The following ANKRD36B variants were observed in gnomAD, a reference collection of about 807,000 sequenced individuals.
ANKRD36B encodes ankyrin repeat domain 36B, also known as ankyrin repeat domain-containing protein 36B.
In ANKRD36B, 37 loss-of-function variants were observed where a neutral mutation model predicts 135.7. The observed-to-expected ratio is 0.27, with a 90% CI of 0.21 to 0.36. ANKRD36B has a LOEUF of 0.36. ANKRD36B is among the 10% of genes least tolerant of loss of function. The probability of loss-of-function intolerance (pLI) is 1.00; values close to 1 mark genes in which losing one functional copy is unlikely to be tolerated. For synonymous variants in ANKRD36B, 179 were observed against 348.1 expected, an observed-to-expected ratio of 0.51 and a Z score of 5.41; for missense variants, 549 against 1,037.1, an observed-to-expected ratio of 0.53 and a Z score of 6.46.
In ANKRD36B at chr2:97,513,913, C is replaced by T. The variant is rs984439983; in HGVS notation, c.2622-550G>A. Among the ~76,000 whole-genome samples the T allele has an allele frequency of 7.5e-5, 9 of 119,710 alleles. 3 individuals carry two copies. The highest frequency in any genetic ancestry group is 5.1e-4 in the African/African-American group (9 of 17,686). The allele number at this position is 119,710 out of a possible 152,430, so 78.5% of individuals were successfully genotyped here. A position where few individuals can be genotyped will look rare whatever the true frequency, so the allele number is the denominator to read the frequency against. On this transcript the variant is annotated intron_variant, in intron 37 of 43. Transcript: ENST00000359901. Reference sequence around the variant, plus strand: ...AGAAAATGTTTAAATTTACCTACAGCCTGGAAGCCCCAGCTTTGAGTTGGC... The same window carrying T: ...AGAAAATGTTTAAATTTACCTACAGTCTGGAAGCCCCAGCTTTGAGTTGGC...
At position 97,540,956 on chromosome 2, in the gene ANKRD36B, A is replaced by T. The variant is rs1221069545; in HGVS notation, c.1886-727T>A. Among the ~76,000 whole-genome samples, 3 of 96,680 alleles carry T rather than the reference A, an allele frequency of 3.1e-5. 1 individual carries two copies. The highest frequency in any genetic ancestry group is 2.3e-4 in the East Asian group (1 of 4,340). The allele number at this position is 96,680 out of a possible 152,430, so 63.4% of individuals were successfully genotyped here. A position where few individuals can be genotyped will look rare whatever the true frequency, so the allele number is the denominator to read the frequency against. On this transcript the variant is annotated intron_variant, in intron 28 of 43. Coordinates refer to ENST00000359901, the MANE Select transcript of ANKRD36B (RefSeq NM_001393939.1). Reference sequence around the variant, plus strand: ...ATTATCAATTTTGACATACTTCTACAAAGTAAAACTGCTACAAGCGTTAGA... The same window carrying T: ...ATTATCAATTTTGACATACTTCTACTAAGTAAAACTGCTACAAGCGTTAGA...
chr2:97,546,552 G>A (rs1293502384), intron 22 of ANKRD36B, among the ~76,000 whole-genome samples: 1 of 151,544 alleles, frequency 6.6e-6, no homozygotes. Context: ...CCTCAATAAA[G>A]ATATCATCAA....
rs543305077 is a variant in ANKRD36B at position 97,578,620 on chromosome 2, G to A, written c.695+286C>T. On this transcript the variant is annotated intron_variant, in intron 5 of 43. Transcript: ENST00000359901. Reference sequence around the variant, plus strand: ...GTGAAACTACTTTACCCTATGCATAGGGGTTATACTGGAAATAAAATGGAC... The same window carrying A: ...GTGAAACTACTTTACCCTATGCATAAGGGTTATACTGGAAATAAAATGGAC... 1.0e-3 allele frequency among the ~76,000 whole-genome samples: 158 copies of A among 152,128 alleles called. 4 individuals are homozygous for A. The East Asian group carries it at 0.013, about 12-fold the overall frequency.
chr2:97,549,376 C>T, intron 20 of ANKRD36B, 43 bp downstream of exon 20: 1 of 1,527,086 alleles, frequency 6.5e-7, no homozygotes, highest in Non-Finnish European at 8.8e-7. Flanking sequence ...AACTTCTTAT[C>T]TATCTGGACT....
In ANKRD36B at chr2:97,548,058, C is replaced by A. The variant is rs553734877; in HGVS notation, c.1478-327G>T. ...AAAATCAGAGGAGAAACTCATACAC[C>A]TGAGAATCAACGTGAAAGCAGGTGC... On this transcript the variant is annotated intron_variant, in intron 20 of 43. Transcript: ENST00000359901. 3.3e-5 allele frequency among the ~76,000 whole-genome samples: 5 copies of A among 151,780 alleles called. No homozygotes were observed. The East Asian group carries it at 9.7e-4, about 30-fold the overall frequency.
Position 97,555,103 on chromosome 2 carries a change from C to G in ANKRD36B, c.1128G>C (p.Leu376Phe). The change falls in exon 14 of 44, where the codon TTG (leucine) becomes TTC (phenylalanine). Residue 376 changes from leucine (L) to phenylalanine (F), a missense_variant. Transcript: ENST00000359901. The part of the protein sequence containing the change: ...KTASDKTDSA[L>F]NTATEIKDGL... ...CATCCTTTATTTCTGTAGCTGTATT[C>G]AAAGCAGAATCTGTCTTGTCACTTG... The G allele has an allele frequency of 1.2e-6, 2 of 1,611,814 alleles. No individual in the cohort carries two copies. Among genetic ancestry groups the G allele is most frequent in the South Asian group, 1.1e-5 (1 of 91,030 alleles).
At position 97,553,172 on chromosome 2, in the gene ANKRD36B, C is replaced by T. The variant is rs1559172217; in HGVS notation, c.1269G>A (p.Gly423=). 6.2e-7 allele frequency: 1 copy of T among 1,610,906 alleles called. No individual in the cohort carries two copies. The highest frequency in any genetic ancestry group is 8.5e-7 in the Non-Finnish European group (1 of 1,178,514). ...ATEIKDGEKS[G]TVSSQKKPAL... The stretch of plus-strand genomic sequence containing the variant: ...GAATGTGTTTTGCAAAATTACCTGT[C>T]CCAGATTTTTCTCCATCCTTTATTT... Residue 423 remains glycine (G), a synonymous_variant, in exon 16 of 44, where the codon GGG becomes GGA. Coordinates refer to ENST00000359901, the MANE Select transcript of ANKRD36B (RefSeq NM_001393939.1).
chr2:97,550,214 C>G (rs6750807), intron 18 of ANKRD36B, among the ~76,000 whole-genome samples: 1 of 135,174 alleles, frequency 7.4e-6, no homozygotes. Flanking sequence ...GTGTAATAAT[C>G]TGCCTAAGTT....
At chr2:97,574,237 C>A (rs2082077790) in intron 6 of ANKRD36B, among the ~76,000 whole-genome samples, 1 of 152,096 alleles carries the variant, frequency 6.6e-6, no homozygotes. Context: ...AGGATATGAA[C>A]AGACACTTCT....
rs1380830256 is a variant in ANKRD36B at position 97,550,606 on chromosome 2, G to A, written c.1375+683C>T. Among the ~76,000 whole-genome samples, 9 of 151,288 alleles carry A rather than the reference G, an allele frequency of 5.9e-5. No homozygotes were observed. The East Asian group carries it at 1.5e-3, about 24-fold the overall frequency. On this transcript the variant is annotated intron_variant, in intron 18 of 43. Transcript: ENST00000359901. Reference sequence around the variant, plus strand: ...TCTATAACTAAAATCAACAAAACATGTATCTCTGATGCCTAATAGTAACAA... The same window carrying A: ...TCTATAACTAAAATCAACAAAACATATATCTCTGATGCCTAATAGTAACAA...
At position 97,536,693 on chromosome 2, in the gene ANKRD36B, A is replaced by T. The variant is rs537415054; in HGVS notation, c.2090-197T>A. ...AGGAATACAAGCTTCAAAAACATAC[A>T]GTTACAAGTTAAAAAGTGAGATTAT... On this transcript the variant is annotated intron_variant, in intron 32 of 43. Transcript: ENST00000359901. 3.7e-4 allele frequency among the ~76,000 whole-genome samples: 36 copies of T among 96,536 alleles called. 13 individuals carry two copies. The highest frequency in any genetic ancestry group is 1.1e-3 in the African/African-American group (36 of 32,140). The allele number at this position is 96,536 out of a possible 152,430, so 63.3% of individuals were successfully genotyped here.
intron 22 of ANKRD36B, among the ~76,000 whole-genome samples, chr2:97,546,888 A>G (rs993931346): frequency 2.6e-5 from 4 of 151,692 alleles, no homozygotes; most frequent in Admixed American, 1.3e-4. Context: ...AAAGAGGAGT[A>G]ATGAGTCAGT....
Position 97,545,813 on chromosome 2 carries a change from A to G in ANKRD36B, c.1608+20T>C, listed in dbSNP as rs529542346. ...GACTATACAGTTAATAGTTCAAAAT[A>G]CAAAAGAGAGTTTAATTACCTTCAA... is the stretch of plus-strand genomic sequence containing the variant. On this transcript the variant is annotated intron_variant, in intron 23 of 43. Coordinates refer to ENST00000359901, the MANE Select transcript of ANKRD36B (RefSeq NM_001393939.1). 4.2e-6 allele frequency: 4 copies of G among 962,950 alleles called. 2 individuals carry two copies. Among genetic ancestry groups the G allele is most frequent in the East Asian group, 5.1e-5 (2 of 39,470 alleles). 59.7% of individuals were successfully genotyped at this position (962,950 alleles called of 1,614,324 possible). A position where few individuals can be genotyped will look rare whatever the true frequency, so the allele number is the denominator to read the frequency against.
At chr2:97,570,638 T>C (rs10197171) in intron 6 of ANKRD36B, among the ~76,000 whole-genome samples, 85,541 of 151,838 alleles carry the variant, frequency 0.56, 25,619 homozygotes, top group Non-Finnish European at 0.67. Context: ...TGTCAAAATT[T>C]GAAGCTACAG....
rs191342076 is a variant in ANKRD36B, at chr2:97,537,653, A to T, written c.2089+515T>A. Among the ~76,000 whole-genome samples, 2 of 95,386 alleles carry T rather than the reference A, an allele frequency of 2.1e-5. 1 individual carries two copies. Among genetic ancestry groups the T allele is most frequent in the Admixed American group, 1.9e-4 (2 of 10,684 alleles). 62.6% of individuals were successfully genotyped at this position (95,386 alleles called of 152,430 possible). ...AGGCTTCCTCAGCAGAAACCCCAAA[A>T]TTACCTAAATAACTTCTTCCTTCCC... On this transcript the variant is annotated intron_variant, in intron 32 of 43. Coordinates refer to ENST00000359901, the MANE Select transcript of ANKRD36B (RefSeq NM_001393939.1).
chr2:97,500,499 T>A, intron 43 of ANKRD36B, among the ~76,000 whole-genome samples: 2 of 74,468 alleles, frequency 2.7e-5, no homozygotes, highest in East Asian at 2.5e-4. Context: ...AAGATTAAAG[T>A]GGAAATAAAT....
At chr2:97,537,615 A>C (rs1357023674) in intron 32 of ANKRD36B, among the ~76,000 whole-genome samples, 1 of 96,324 alleles carries the variant, frequency 1.0e-5, no homozygotes, top group African/African-American at 3.1e-5. Context: ...ATGCATGTGA[A>C]GTGAGTTCAC....
At chr2:97,553,073 G>A (rs985181730) in intron 16 of ANKRD36B, 95 bp downstream of exon 16, 11 of 1,437,756 alleles carry the variant, frequency 7.7e-6, no homozygotes, top group Admixed American at 2.2e-5. Context: ...CAGCTTCAGC[G>A]AGCCCCCCAC....
chr2:97,554,111 A>G (rs2080288888), intron 14 of ANKRD36B, among the ~76,000 whole-genome samples: 1 of 151,870 alleles, frequency 6.6e-6, no homozygotes, highest in Non-Finnish European at 1.5e-5. Context: ...ACTAAATAAA[A>G]CTGCTAAAAG....
Sources: allele counts gnomAD v4.1 joint callset (sites outside exome capture counted in the v4.1 genomes callset), GRCh38; gene constraint gnomAD v4.1.1; transcripts MANE v1.5; gene names NCBI Gene and HGNC (gene_info 2026-07-23, HGNC 2026-07-21).